Variants in SUSD1 observed in about 807,000 individuals in gnomAD.
SUSD1 encodes sushi domain containing 1.
SUSD1 carries 65 observed loss-of-function variants against 86.9 expected under a neutral mutation model. That is an observed-to-expected ratio of 0.75 (90% CI 0.61 to 0.92). The LOEUF is 0.92. Among genes scored for constraint, SUSD1 ranks in the 40% least tolerant of loss-of-function variants. SUSD1 has a pLI of 0.00. For synonymous variants in SUSD1, 346 were observed against 350.0 expected, an observed-to-expected ratio of 0.99 and a Z score of 0.13; for missense variants, 850 against 929.7, an observed-to-expected ratio of 0.91 and a Z score of 1.11.
chr9:112,137,553 A>G (rs1457448522), intron 5 of SUSD1, among the ~76,000 whole-genome samples: 1 of 152,194 alleles, frequency 6.6e-6, no homozygotes, highest in African/African-American at 2.4e-5. Flanking sequence ...TAGTTGATCC[A>G]TTGAAAGATC....
intron 3 of SUSD1, among the ~76,000 whole-genome samples, chr9:112,145,027 A>T (rs1832749134): frequency 6.6e-6 from 1 of 152,122 alleles, no homozygotes; most frequent in Admixed American, 6.6e-5. Flanking sequence ...GATTGCTTTA[A>T]GTCCGGGAGT....
intron 8 of SUSD1, among the ~76,000 whole-genome samples, chr9:112,110,140 G>A (rs1326866219): frequency 2.6e-5 from 4 of 152,080 alleles, no homozygotes; most frequent in African/African-American, 9.7e-5. Flanking sequence ...CTTGAGGTCA[G>A]GAGTTTAAGA....
chr9:112,162,149 A>T (rs1470145273), intron 1 of SUSD1, among the ~76,000 whole-genome samples: 3 of 152,218 alleles, frequency 2.0e-5, no homozygotes, highest in Non-Finnish European at 2.9e-5. Flanking sequence ...ACAACCATGA[A>T]ACAACTGCCT....
At chr9:112,114,792 G>A (rs1403500229) in intron 6 of SUSD1, among the ~76,000 whole-genome samples, 1 of 152,130 alleles carries the variant, frequency 6.6e-6, no homozygotes, top group Non-Finnish European at 1.5e-5. Flanking sequence ...AAATCCTGTG[G>A]GGACAGGAGC....
At chr9:112,116,624 A>C (rs1831337160) in intron 6 of SUSD1, among the ~76,000 whole-genome samples, 1 of 152,200 alleles carries the variant, frequency 6.6e-6, no homozygotes, top group Admixed American at 6.5e-5. Context: ...GTAGGGAAAA[A>C]GTACTCTTGA....
chr9:112,121,098 A>AC (rs1831536497), intron 6 of SUSD1, among the ~76,000 whole-genome samples: 1 of 151,752 alleles, frequency 6.6e-6, no homozygotes, highest in South Asian at 2.1e-4. Flanking sequence ...TTAAGACTGG[A>AC]CCCCCCTAGA....
intron 14 of SUSD1, among the ~76,000 whole-genome samples, 162 bp downstream of exon 14, chr9:112,058,266 G>T (rs983394339): frequency 6.6e-6 from 1 of 152,150 alleles, no homozygotes; most frequent in Admixed American, 6.5e-5. Context: ...ATCTGTAAGG[G>T]TTTCACCTGT....
intron 10 of SUSD1, among the ~76,000 whole-genome samples, chr9:112,090,280 A>C (rs1042061732): frequency 6.6e-6 from 1 of 152,182 alleles, no homozygotes; most frequent in South Asian, 2.1e-4. Context: ...TCCTTGCAAA[A>C]TCTGGTTTGC....
intron 1 of SUSD1, among the ~76,000 whole-genome samples, chr9:112,168,016 T>C (rs934584073): frequency 5.3e-5 from 8 of 152,214 alleles, no homozygotes; most frequent in African/African-American, 1.2e-4. Context: ...ACCTCCCCCA[T>C]GATTGAATCA....
At chr9:112,048,590 A>G (rs1162512177) in intron 15 of SUSD1, among the ~76,000 whole-genome samples, 1 of 152,346 alleles carries the variant, frequency 6.6e-6, no homozygotes. Flanking sequence ...AATGCATGCC[A>G]GGCTCTGTTC....
At position 112,098,610 on chromosome 9, in the gene SUSD1, G is replaced by C; in HGVS notation, c.1334C>G (p.Ser445Trp). ...WYLANFSHAT[S>W]FNFTTREQVP... ...TTGTTCCCTCGTTGTGAAGTTAAAC[G>C]ATGTTGCATGAGAAAAGTTAGCCAG... is the stretch of plus-strand genomic sequence containing the variant. The change falls in exon 10 of 17, where the codon TCG (serine) becomes TGG (tryptophan). Residue 445 changes from serine to tryptophan, a missense_variant. Physicochemically the swap from Ser to Trp is radical, Grantham distance 177. Coordinates refer to ENST00000374270, the MANE Select transcript of SUSD1 (RefSeq NM_022486.5). The C allele has an allele frequency of 1.2e-6, 2 of 1,614,140 alleles. No individual in the cohort carries two copies. The highest frequency in any genetic ancestry group is 1.7e-6 in the Non-Finnish European group (2 of 1,180,018).
chr9:112,132,277 A>T (rs1589700501), intron 5 of SUSD1, among the ~76,000 whole-genome samples: 1 of 152,342 alleles, frequency 6.6e-6, no homozygotes, highest in East Asian at 1.9e-4. Flanking sequence ...AGTGACCAAC[A>T]ATGCCAATAA....
In SUSD1 at chr9:112,052,458, A is replaced by C; in HGVS notation, c.2110-20T>G. ...TCTCACCTATAAAGGAAAACATAGC[A>C]ATGCATTTAGCTAGGTGGCACACAG... On this transcript the variant is annotated intron_variant, in intron 14 of 16. Transcript: ENST00000374270. 1.2e-6 allele frequency: 2 copies of C among 1,613,966 alleles called. No homozygotes were observed. Among genetic ancestry groups the C allele is most frequent in the Non-Finnish European group, 1.7e-6 (2 of 1,179,930 alleles).
chr9:112,066,080 C>T (rs1392482579), intron 12 of SUSD1, among the ~76,000 whole-genome samples: 2 of 152,180 alleles, frequency 1.3e-5, no homozygotes, highest in African/African-American at 2.4e-5. Flanking sequence ...GACGGCCGGC[C>T]GAGCCAAGTG....
At chr9:112,170,529 G>A (rs1370985863) in intron 1 of SUSD1, among the ~76,000 whole-genome samples, 1 of 151,858 alleles carries the variant, frequency 6.6e-6, no homozygotes, top group Non-Finnish European at 1.5e-5. Flanking sequence ...ACACCCTCCT[G>A]CCATATCAAT....
intron 6 of SUSD1, among the ~76,000 whole-genome samples, chr9:112,116,966 C>T (rs950781540): frequency 3.3e-5 from 5 of 152,142 alleles, no homozygotes; most frequent in African/African-American, 1.2e-4. Flanking sequence ...ATGGCAAAAA[C>T]ATGTCTCTAC....
Position 112,052,573 on chromosome 9 carries a change from C to T in SUSD1, c.2110-135G>A, listed in dbSNP as rs919707612. 1.5e-5 allele frequency: 15 copies of T among 968,972 alleles called. No individual in the cohort carries two copies. The African/African-American group carries it at 2.1e-4, about 14-fold the overall frequency. The allele number at this position is 968,972 out of a possible 1,614,324, so 60.0% of individuals were successfully genotyped here. On this transcript the variant is annotated intron_variant, in intron 14 of 16. Transcript: ENST00000374270. ...CTGAACTAGACCTTTAAAGTCCAAT[C>T]TAGCTCTAATATCTTGTGATATCAC...
rs148296976 is a variant in SUSD1 at position 112,097,650 on chromosome 9, C to T, written c.1474+820G>A. 7.6e-3 allele frequency among the ~76,000 whole-genome samples: 1,152 copies of T among 152,088 alleles called. 18 individuals are homozygous for T. Among genetic ancestry groups the T allele is most frequent in the Non-Finnish European group, 0.011 (752 of 67,988 alleles). On this transcript the variant is annotated intron_variant, in intron 10 of 16. Transcript: ENST00000374270. Reference sequence around the variant, plus strand: ...CTGACCTCAGGTGATCTGCCAGCCTCGGCCTCCCAAAGTGCTGGGATTACA... The same window carrying T: ...CTGACCTCAGGTGATCTGCCAGCCTTGGCCTCCCAAAGTGCTGGGATTACA...
chr9:112,104,716 T>A (rs184448373), intron 8 of SUSD1: 89 of 152,260 alleles, frequency 5.8e-4, no homozygotes, highest in African/African-American at 2.1e-3. Flanking sequence ...AGATCTGACA[T>A]AAACATACTA....
Sources: gnomAD v4.1 joint callset for allele counts (sites outside exome capture counted in the v4.1 genomes callset) on GRCh38, gnomAD v4.1.1 for gene constraint, MANE v1.5 for transcripts, NCBI Gene and HGNC (gene_info 2026-07-23, HGNC 2026-07-21) for gene names.